Variants in ZNF136 observed in about 807,000 individuals in gnomAD.
The protein encoded by ZNF136 is zinc finger protein 136 (clone pHZ-20).
A neutral mutation model predicts 11.4 loss-of-function variants in ZNF136; 8 were observed. The observed-to-expected ratio is 0.70, with a 90% CI of 0.41 to 1.27. The LOEUF is 1.27. ZNF136 is among the 50% of genes most tolerant of loss of function. The pLI is 0.01. For missense variants in ZNF136, 590 were observed against 656.5 expected (o/e 0.90, Z 1.11); for synonymous variants, 190 against 207.1 (o/e 0.92, Z 0.71).
Position 12,182,885 on chromosome 19 carries a change from C to T in ZNF136, c.4-2900C>T, listed in dbSNP as rs142143320. On this transcript the variant is annotated intron_variant, in intron 1 of 3. Coordinates refer to ENST00000343979, the MANE Select transcript of ZNF136 (RefSeq NM_003437.5). ...AGTTAAGTCAGATTTCTCTGTGTTC[C>T]AGGTTAGAGTGGCCTTCCCTGATTT... Among the ~76,000 whole-genome samples the T allele has an allele frequency of 8.7e-3, 1,324 of 152,210 alleles. 13 individuals carry two copies. The highest frequency in any genetic ancestry group is 0.014 in the Middle Eastern group (4 of 294).
At chr19:12,178,050 T>G (rs1914844320) in intron 1 of ZNF136, among the ~76,000 whole-genome samples, 1 of 152,186 alleles carries the variant, frequency 6.6e-6, no homozygotes, top group South Asian at 2.1e-4. Context: ...GAGGTTGCAG[T>G]GAGCCAAGAT....
chr19:12,187,821 T>C lies in ZNF136; in HGVS notation c.1443T>C (p.Cys481=). 1 of 1,605,586 alleles carries C rather than the reference T, an allele frequency of 6.2e-7. No individual in the cohort carries two copies. The highest frequency in any genetic ancestry group is 8.5e-7 in the Non-Finnish European group (1 of 1,177,066). ...AGAAACCCTTTGAATGTAAGCGATG[T>C]GGTAAAGCCTTTAGATCTTCTAGTT... is the stretch of plus-strand genomic sequence containing the variant. ...TGEKPFECKR[C]GKAFRSSSSF... The change falls in exon 4 of 4, where the codon TGT becomes TGC. Residue 481 remains cysteine, a synonymous_variant. Transcript: ENST00000343979.
rs1447611400 is a variant in ZNF136 at position 12,186,115 on chromosome 19, G to GA, written c.138dup (p.Trp47MetfsTer7). The stretch of plus-strand genomic sequence containing the variant: ...AATTTTTCTGGGTCTCTGTTTTAGG[G>GA]AAAAAATGGAAGGACCAGAACATTA... On this transcript the variant is annotated frameshift_variant and splice_region_variant, in exon 3 of 4. Coordinates refer to ENST00000343979, the MANE Select transcript of ZNF136 (RefSeq NM_003437.5). LOFTEE classifies it high-confidence loss of function. 2 of 1,606,502 alleles carry GA rather than the reference G, an allele frequency of 1.2e-6. No individual in the cohort carries two copies. The highest frequency in any genetic ancestry group is 1.7e-6 in the Non-Finnish European group (2 of 1,178,038).
intron 1 of ZNF136, among the ~76,000 whole-genome samples, chr19:12,175,314 C>G (rs1914763791): frequency 1.3e-5 from 2 of 152,048 alleles, no homozygotes; most frequent in Non-Finnish European, 2.9e-5. Context: ...CCTGCCTCAG[C>G]TTCCTGAGTA....
chr19:12,163,097 C>T lies in ZNF136; in HGVS notation c.-107C>T, dbSNP rs753036583. On this transcript the variant is annotated 5_prime_UTR_variant, in exon 1 of 4. Transcript: ENST00000343979. ...GTCTGCCGTACTTGGTTTCGCTTCG[C>T]TAGTCCCAGAGGCCCAGAGTGGCTC... The T allele has an allele frequency of 2.7e-5, 35 of 1,279,278 alleles. No individual in the cohort carries two copies. The highest frequency in any genetic ancestry group is 3.3e-5 in the Non-Finnish European group (32 of 979,988). The allele number at this position is 1,279,278 out of a possible 1,614,324, so 79.2% of individuals were successfully genotyped here.
chr19:12,175,491 G>A (rs1459170064), intron 1 of ZNF136, among the ~76,000 whole-genome samples: 5 of 151,998 alleles, frequency 3.3e-5, no homozygotes, highest in Non-Finnish European at 5.9e-5. Flanking sequence ...CACCACACCC[G>A]GCCTTATACT....
intron 1 of ZNF136, among the ~76,000 whole-genome samples, chr19:12,178,729 G>T (rs577819976): frequency 6.6e-6 from 1 of 152,180 alleles, no homozygotes; most frequent in Non-Finnish European, 1.5e-5. Context: ...GGTGGCTCAC[G>T]CCTGTAATCC....
intron 1 of ZNF136, among the ~76,000 whole-genome samples, chr19:12,179,694 T>C (rs1011700769): frequency 3.7e-4 from 57 of 152,176 alleles, no homozygotes; most frequent in Admixed American, 2.4e-3. Flanking sequence ...GATTGTATAC[T>C]ATGAAGAAGC....
chr19:12,187,816 C>T lies in ZNF136; in HGVS notation c.1438C>T (p.Arg480Ter), dbSNP rs776981785. The T allele has an allele frequency of 6.8e-6, 11 of 1,606,458 alleles. No homozygotes were observed. In the African/African-American group the frequency reaches 1.2e-4, roughly 18 times the overall value. Residue 480 changes from arginine to a stop codon, truncating the protein, a stop_gained, in exon 4 of 4, where the codon CGA becomes TGA. Coordinates refer to ENST00000343979, the MANE Select transcript of ZNF136 (RefSeq NM_003437.5). LOFTEE classifies it low-confidence loss of function (END_TRUNC). ...TGGTGAGAAACCCTTTGAATGTAAG[C>T]GATGTGGTAAAGCCTTTAGATCTTC... is the stretch of plus-strand genomic sequence containing the variant. ...HTGEKPFECKRCGKAFRSSSS... is the reference protein window; with the variant it reads ...HTGEKPFECK
chr19:12,168,148 C>T (rs1914533263), intron 1 of ZNF136, among the ~76,000 whole-genome samples: 1 of 138,614 alleles, frequency 7.2e-6, no homozygotes, highest in Non-Finnish European at 1.5e-5. Flanking sequence ...TCCCGGCTCA[C>T]TCTGATCTCT....
chr19:12,170,446 G>A (rs1057318624), intron 1 of ZNF136, among the ~76,000 whole-genome samples: 1 of 151,004 alleles, frequency 6.6e-6, no homozygotes, highest in East Asian at 1.9e-4. Context: ...GAAGTGCAGT[G>A]GTGCAATCAC....
Position 12,163,160 on chromosome 19 carries a change from T to C in ZNF136, c.-44T>C. On this transcript the variant is annotated 5_prime_UTR_variant, in exon 1 of 4. Transcript: ENST00000343979. ...TGTGGCGCGGTTTCCTGTACCTGCC[T>C]TGGGATCCGGAGGGAGGAAGCTGGG... 7.2e-7 allele frequency: 1 copy of C among 1,398,432 alleles called. No individual in the cohort carries two copies. The highest frequency in any genetic ancestry group is 9.4e-7 in the Non-Finnish European group (1 of 1,069,072). The allele number at this position is 1,398,432 out of a possible 1,614,324, so 86.6% of individuals were successfully genotyped here.
Position 12,187,269 on chromosome 19 carries a change from A to G in ZNF136, c.891A>G (p.Ile297Met), listed in dbSNP as rs1215792371. 5 of 1,613,998 alleles carry G rather than the reference A, an allele frequency of 3.1e-6. No individual in the cohort carries two copies. Among genetic ancestry groups the G allele is most frequent in the East Asian group, 2.2e-5 (1 of 44,892 alleles). ...TCAGTTGTTCCCCAACCTTACGAAT[A>G]CATGAAAGAACCCATACTGGAGAGA... ...KAFSCSPTLR[I>M]HERTHTGEKP... Residue 297 changes from isoleucine to methionine, a missense_variant, in exon 4 of 4, where the codon ATA becomes ATG. Coordinates refer to ENST00000343979, the MANE Select transcript of ZNF136 (RefSeq NM_003437.5).
At position 12,186,989 on chromosome 19, in the gene ZNF136, CTTTTGATTATCCCAGTAGA is replaced by C. The variant is rs1217201289; in HGVS notation, c.615_633del (p.Asp206GlufsTer32). 1 of 1,613,934 alleles carries C rather than the reference CTTTTGATTATCCCAGTAGA, an allele frequency of 6.2e-7. No homozygotes were observed. Among genetic ancestry groups the C allele is most frequent in the African/African-American group, 1.3e-5 (1 of 74,898 alleles). ...TATAAATGTAAGGTGTGTGGGAAAGCTTTTGATTATCCCAGTAGATTTCGAACACATGAAAGAAGTCACA... is the reference window on the plus strand; with the variant it reads ...TATAAATGTAAGGTGTGTGGGAAAGCTTTCGAACACATGAAAGAAGTCACA... On this transcript the variant is annotated frameshift_variant, in exon 4 of 4. Transcript: ENST00000343979. LOFTEE classifies it low-confidence loss of function (END_TRUNC).
At chr19:12,186,026 C>T (rs1335957700) in intron 2 of ZNF136, 88 bp from the exon 3 acceptor site, 13 of 1,591,186 alleles carry the variant, frequency 8.2e-6, no homozygotes, top group Non-Finnish European at 1.0e-5. Flanking sequence ...CTAAAACAGG[C>T]ATAGTCACAG....
intron 1 of ZNF136, among the ~76,000 whole-genome samples, chr19:12,179,771 TAA>T (rs1461010696): frequency 6.6e-6 from 1 of 152,248 alleles, no homozygotes; most frequent in African/African-American, 2.4e-5. Flanking sequence ...GGAGTGGCGC[TAA>T]GTTTATTACC....
intron 1 of ZNF136, among the ~76,000 whole-genome samples, chr19:12,174,453 T>C (rs1236596536): frequency 2.0e-5 from 3 of 152,150 alleles, no homozygotes; most frequent in Non-Finnish European, 4.4e-5. Flanking sequence ...GATGCTCTTG[T>C]TTCAGATTTT....
chr19:12,177,284 A>G (rs1162363035), intron 1 of ZNF136, among the ~76,000 whole-genome samples: 1 of 152,242 alleles, frequency 6.6e-6, no homozygotes, highest in African/African-American at 2.4e-5. Flanking sequence ...TGTGATTTTC[A>G]AATGTGAAAA....
intron 1 of ZNF136, among the ~76,000 whole-genome samples, chr19:12,180,183 A>G (rs988556707): frequency 6.6e-6 from 1 of 152,204 alleles, no homozygotes; most frequent in Non-Finnish European, 1.5e-5. Context: ...GATAATTTTT[A>G]AAAGTCTCCC....
Sources: gnomAD v4.1 joint callset for allele counts (sites outside exome capture counted in the v4.1 genomes callset) on GRCh38, gnomAD v4.1.1 for gene constraint, MANE v1.5 for transcripts, NCBI Gene and HGNC (gene_info 2026-07-23, HGNC 2026-07-21) for gene names.